ADGRD2: variants seen among roughly 807,000 people sequenced by gnomAD.
ADGRD2 encodes the protein adhesion G protein-coupled receptor D2.
A neutral mutation model predicts 44.4 loss-of-function variants in ADGRD2; 71 were observed. The ratio of observed to expected loss-of-function variants is 1.60; its 90% CI spans 1.32 to 1.95. The LOEUF is 1.95. Ranked by LOEUF, ADGRD2 falls within the 30% of genes most tolerant of loss-of-function variation. The pLI is 0.00. For missense variants in ADGRD2, 1,039 were observed against 512.4 expected (o/e 2.03, Z -9.92); for synonymous variants, 481 against 224.8 (o/e 2.14, Z -10.19).
chr9:124,473,352 C>A (rs779839820), intron 17 of ADGRD2, among the ~76,000 whole-genome samples: 1 of 152,232 alleles, frequency 6.6e-6, no homozygotes, highest in Non-Finnish European at 1.5e-5. Flanking sequence ...CCAGCCGTAG[C>A]TCACACTTGC....
intron 11 of ADGRD2, chr9:124,467,340 CAAAAAAAAA>C (rs59651695): frequency 1.0e-3 from 105 of 104,936 alleles, no homozygotes; most frequent in Middle Eastern, 4.5e-3. Context: ...CTTGAAGCAA[CAAAAAAAAA>C]AAAAAAAAAA....
At chr9:124,467,340 CAAA>C (rs59651695) in intron 11 of ADGRD2, 66 of 104,946 alleles carry the variant, frequency 6.3e-4, no homozygotes, top group South Asian at 1.1e-3. Flanking sequence ...CTTGAAGCAA[CAAA>C]AAAAAAAAAA....
At chr9:124,466,641 C>G in intron 11 of ADGRD2, 1 of 353,294 alleles carries the variant, frequency 2.8e-6, no homozygotes, top group Non-Finnish European at 5.1e-6. Flanking sequence ...AAAACCCCGT[C>G]TCTACCAAAA....
At chr9:124,473,626 A>G (rs979181771) in intron 17 of ADGRD2, among the ~76,000 whole-genome samples, 3 of 152,244 alleles carry the variant, frequency 2.0e-5, no homozygotes, top group African/African-American at 7.2e-5. Flanking sequence ...GCTGGGGGAC[A>G]TGGAGATGCC....
In ADGRD2 at chr9:124,475,346, GTC is replaced by G. The variant is rs1349471807; in HGVS notation, c.2759-96_2759-95del. 1.9e-5 allele frequency: 12 copies of G among 647,598 alleles called. 1 individual carries two copies. The highest frequency in any genetic ancestry group is 7.3e-5 in the Admixed American group (3 of 41,314). 40.1% of individuals were successfully genotyped at this position (647,598 alleles called of 1,614,324 possible). Reference sequence around the variant, plus strand: ...CCTGTCTCTGGGTATCTCTGCAAGTGTCTCTGCCACTGGGAGGCGCCGGGACC... The same window carrying G: ...CCTGTCTCTGGGTATCTCTGCAAGTGTCTGCCACTGGGAGGCGCCGGGACC... On this transcript the variant is annotated intron_variant, in intron 17 of 21. Coordinates refer to ENST00000334810, the Ensembl canonical transcript of ADGRD2.
chr9:124,466,596 G>A (rs1831829574), intron 11 of ADGRD2, 183 bp downstream of exon 14: 4 of 429,020 alleles, frequency 9.3e-6, no homozygotes, highest in Non-Finnish European at 1.3e-5. Context: ...GATCACTTGA[G>A]CCCAGGAGTT....
exon 3 of ADGRD2, chr9:124,453,165 C>T: frequency 1.4e-6 from 1 of 699,402 alleles, no homozygotes. Context: ...GTGCCTCGCC[C>T]GACCCCGCAG....
chr9:124,453,234 C>T (rs1351400550), exon 3 of ADGRD2: 4 of 581,512 alleles, frequency 6.9e-6, no homozygotes, highest in Admixed American at 3.5e-5. Flanking sequence ...GCGCCTTCGC[C>T]GAGCCGGGGG....
In ADGRD2 at chr9:124,460,343, C is replaced by T. The variant is rs926576033; in HGVS notation, c.1870+1622C>T. 1.3e-4 allele frequency among the ~76,000 whole-genome samples: 19 copies of T among 151,140 alleles called. No homozygotes were observed. The East Asian group carries it at 1.5e-3, about 12-fold the overall frequency. On this transcript the variant is annotated intron_variant, in intron 10 of 21. Transcript: ENST00000334810. ...TCAGCCTCCTGAGTAGCTGGGACTACAGGCATGCGCTACCATGTCCAGCTA... is the reference window on the plus strand; with the variant it reads ...TCAGCCTCCTGAGTAGCTGGGACTATAGGCATGCGCTACCATGTCCAGCTA...
intron 10 of ADGRD2, among the ~76,000 whole-genome samples, chr9:124,461,239 G>C (rs1831718055): frequency 6.6e-6 from 1 of 152,180 alleles, no homozygotes; most frequent in African/African-American, 2.4e-5. Context: ...CCGCTAGTCT[G>C]TGGCTTGCTT....
chr9:124,477,134 A>C (rs573081457), intron 21 of ADGRD2: 24 of 463,638 alleles, frequency 5.2e-5, no homozygotes, highest in South Asian at 3.7e-4. Flanking sequence ...AAACCCGCTG[A>C]GGGAGAAGTG....
At chr9:124,463,765 T>A (rs1246710646) in intron 10 of ADGRD2, among the ~76,000 whole-genome samples, 1 of 152,250 alleles carries the variant, frequency 6.6e-6, no homozygotes, top group East Asian at 1.9e-4. Context: ...CTGTAGACTC[T>A]ACAGTGATGT....
intron 17 of ADGRD2, 36 bp downstream of exon 20, chr9:124,470,650 G>C (rs1221028797): frequency 1.5e-6 from 1 of 688,244 alleles, no homozygotes; most frequent in Middle Eastern, 2.3e-4. Context: ...ACTAGGCCCT[G>C]ACATGCACGA....
At chr9:124,472,200 G>A (rs985219998) in intron 17 of ADGRD2, among the ~76,000 whole-genome samples, 14 of 152,110 alleles carry the variant, frequency 9.2e-5, no homozygotes, top group African/African-American at 3.1e-4. Context: ...CCGTCGCACC[G>A]TCTCAGATCC....
rs192479988 is a variant in ADGRD2 at position 124,458,091 on chromosome 9, G to A, written c.1641-22G>A. The A allele has an allele frequency of 7.0e-5, 50 of 718,248 alleles. 1 individual carries two copies. In the African/African-American group the frequency reaches 7.5e-4, roughly 11 times the overall value. The allele number at this position is 718,248 out of a possible 1,614,324, so 44.5% of individuals were successfully genotyped here. On this transcript the variant is annotated intron_variant, in intron 8 of 21. Transcript: ENST00000334810. ...TTGCCCAGCCACCGGGTGGTGCCTT[G>A]GTGCCCCTTCCTCTCAGCCAGGCCT...
chr9:124,478,039 G>A (rs1021947780), intron 21 of ADGRD2, among the ~76,000 whole-genome samples: 3 of 151,562 alleles, frequency 2.0e-5, no homozygotes, highest in Non-Finnish European at 4.4e-5. Flanking sequence ...TCAGCGGCCC[G>A]AGCTGGAAGC....
chr9:124,475,670 C>A, intron 19 of ADGRD2, 55 bp downstream of exon 22: 1 of 608,264 alleles, frequency 1.6e-6, no homozygotes, highest in Non-Finnish European at 3.0e-6. Context: ...GAGCCAGGTC[C>A]CAGCCCCCAT....
At chr9:124,457,699 A>G in intron 8 of ADGRD2, 93 bp downstream of exon 11, 1 of 539,908 alleles carries the variant, frequency 1.9e-6, no homozygotes, top group Non-Finnish European at 3.3e-6. Flanking sequence ...CATCTTTCAG[A>G]TCCTCAGTTT....
chr9:124,469,641 T>C, intron 16 of ADGRD2, 94 bp downstream of exon 19: 1 of 686,276 alleles, frequency 1.5e-6, no homozygotes. Context: ...CACGTGCGAG[T>C]CTGTGTCCAG....
Sources: allele counts gnomAD v4.1 joint callset (sites outside exome capture counted in the v4.1 genomes callset), GRCh38; gene constraint gnomAD v4.1.1; transcripts MANE v1.5; gene names NCBI Gene and HGNC (gene_info 2026-07-23, HGNC 2026-07-21).